The following PAPPA variants were observed in gnomAD, a reference collection of about 807,000 sequenced individuals.
PAPPA encodes pappalysin-1.
A neutral mutation model predicts 164.0 loss-of-function variants in PAPPA; 60 were observed. The ratio of observed to expected loss-of-function variants is 0.37; its 90% CI spans 0.30 to 0.45. The LOEUF (loss-of-function observed/expected upper bound fraction) is 0.45, where lower values mean the gene tolerates loss of function less well. Among genes scored for constraint, PAPPA ranks in the 20% least tolerant of loss-of-function variants. PAPPA has a pLI of 1.00. For synonymous variants in PAPPA, 875 were observed against 814.1 expected (o/e 1.07, Z -1.27); for missense variants, 1,782 against 2,087.3 (o/e 0.85, Z 2.85).
At chr9:116,281,478 A>G (rs538157576) in intron 9 of PAPPA, among the ~76,000 whole-genome samples, 80 of 152,196 alleles carry the variant, frequency 5.3e-4, no homozygotes, top group South Asian at 1.0e-3. Context: ...GCTCGAGCCA[A>G]TCATTGAGAC....
intron 1 of PAPPA, among the ~76,000 whole-genome samples, chr9:116,163,644 G>A (rs1843692669): frequency 6.6e-6 from 1 of 152,186 alleles, no homozygotes; most frequent in Admixed American, 6.5e-5. Flanking sequence ...AATAGTTCCA[G>A]TTTTCTTCCT....
chr9:116,348,442 T>G (rs1446472803), intron 15 of PAPPA, among the ~76,000 whole-genome samples: 3 of 152,094 alleles, frequency 2.0e-5, no homozygotes, highest in Non-Finnish European at 4.4e-5. Flanking sequence ...TTCTACCTTT[T>G]GTTTTTCCTT....
chr9:116,303,926 A>T (rs1268801897), intron 10 of PAPPA, among the ~76,000 whole-genome samples: 2 of 152,138 alleles, frequency 1.3e-5, no homozygotes, highest in African/African-American at 2.4e-5. Context: ...CTTTTTGTTT[A>T]TGTTTACATC....
intron 9 of PAPPA, among the ~76,000 whole-genome samples, chr9:116,274,268 C>T (rs937453472): frequency 6.6e-6 from 1 of 152,190 alleles, no homozygotes; most frequent in Non-Finnish European, 1.5e-5. Flanking sequence ...TACAGGAAAG[C>T]CTTCAGCTAC....
chr9:116,393,462 T>A, intron 21 of PAPPA, among the ~76,000 whole-genome samples: 1 of 152,158 alleles, frequency 6.6e-6, no homozygotes, highest in Non-Finnish European at 1.5e-5. Context: ...ATTGAATGCA[T>A]AAAGACTGAG....
At chr9:116,385,684 G>GTGTT (rs1311838318) in intron 21 of PAPPA, among the ~76,000 whole-genome samples, 1 of 152,194 alleles carries the variant, frequency 6.6e-6, no homozygotes, top group Non-Finnish European at 1.5e-5. Context: ...TAGGCTTTTT[G>GTGTT]TGTTAAGAAA....
intron 6 of PAPPA, among the ~76,000 whole-genome samples, chr9:116,231,719 A>T (rs1397005002): frequency 4.6e-5 from 5 of 107,814 alleles, no homozygotes; most frequent in African/African-American, 1.8e-4. Context: ...GGATGGATGG[A>T]TAGTGTCTGT....
At chr9:116,254,238 A>G (rs896009277) in intron 7 of PAPPA, among the ~76,000 whole-genome samples, 1 of 152,210 alleles carries the variant, frequency 6.6e-6, no homozygotes, top group African/African-American at 2.4e-5. Context: ...TAATGTGTTC[A>G]TCTTTGCATC....
intron 13 of PAPPA, among the ~76,000 whole-genome samples, chr9:116,338,212 T>C (rs186021316): frequency 8.8e-4 from 134 of 152,336 alleles, no homozygotes; most frequent in African/African-American, 3.0e-3. Flanking sequence ...CATTTATTCT[T>C]CTTTCCTTTC....
chr9:116,179,513 C>T (rs751007299), intron 1 of PAPPA, among the ~76,000 whole-genome samples: 1 of 152,202 alleles, frequency 6.6e-6, no homozygotes, highest in Admixed American at 6.5e-5. Flanking sequence ...GTATAATCCT[C>T]CAGTCCTGTA....
chr9:116,239,370 C>A (rs1043403454), intron 7 of PAPPA, among the ~76,000 whole-genome samples: 2 of 152,150 alleles, frequency 1.3e-5, no homozygotes, highest in Non-Finnish European at 2.9e-5. Flanking sequence ...CACCGCATCA[C>A]CTATTTGGAC....
chr9:116,366,520 ATCAG>A (rs1229894917), intron 18 of PAPPA, among the ~76,000 whole-genome samples: 1 of 152,164 alleles, frequency 6.6e-6, no homozygotes, highest in Non-Finnish European at 1.5e-5. Context: ...ATGCATATTC[ATCAG>A]TCAGTCATCA....
At chr9:116,357,928 A>C (rs961992585) in intron 17 of PAPPA, among the ~76,000 whole-genome samples, 2 of 152,232 alleles carry the variant, frequency 1.3e-5, no homozygotes, top group Non-Finnish European at 2.9e-5. Flanking sequence ...AGCTCATTGC[A>C]CAGATCACAG....
chr9:116,257,700 TC>T (rs1844947687), intron 7 of PAPPA, among the ~76,000 whole-genome samples: 1 of 151,808 alleles, frequency 6.6e-6, no homozygotes, highest in Non-Finnish European at 1.5e-5. Flanking sequence ...AGACTCCGTC[TC>T]AAAAAACAAA....
chr9:116,342,231 G>A (rs983504834), intron 13 of PAPPA, among the ~76,000 whole-genome samples: 2 of 152,126 alleles, frequency 1.3e-5, no homozygotes, highest in African/African-American at 4.8e-5. Context: ...CCTTCCCCTG[G>A]TGCTTACACA....
chr9:116,202,788 C>A (rs1322716667), intron 2 of PAPPA, among the ~76,000 whole-genome samples: 2 of 152,060 alleles, frequency 1.3e-5, no homozygotes, highest in Non-Finnish European at 2.9e-5. Flanking sequence ...ATCTGTCTTA[C>A]TCTTATTTTG....
At chr9:116,336,479 A>G (rs1001810574) in intron 13 of PAPPA, among the ~76,000 whole-genome samples, 18 of 152,156 alleles carry the variant, frequency 1.2e-4, no homozygotes, top group African/African-American at 4.3e-4. Context: ...AAAATAAGTT[A>G]ATTCTCAGAG....
At chr9:116,284,709 T>C (rs1205221865) in intron 9 of PAPPA, among the ~76,000 whole-genome samples, 1 of 152,140 alleles carries the variant, frequency 6.6e-6, no homozygotes. Context: ...GTGGCGCCAG[T>C]AGCCAACCAG....
Position 116,401,824 on chromosome 9 carries a change from A to G in PAPPA, c.*5208A>G, listed in dbSNP as rs1316380701. The G allele has an allele frequency of 2.0e-5, 3 of 150,362 alleles. No homozygotes were observed. Among genetic ancestry groups the G allele is most frequent in the Non-Finnish European group, 3.0e-5 (2 of 67,610 alleles). The allele number at this position is 150,362 out of a possible 1,614,324, so 9.3% of individuals were successfully genotyped here. ...ATTGAAGTGCTTAAAAGCTGTTCTCATAAGAATTCTTCTGGCCTATTGTAA... is the reference window on the plus strand; with the variant it reads ...ATTGAAGTGCTTAAAAGCTGTTCTCGTAAGAATTCTTCTGGCCTATTGTAA... On this transcript the variant is annotated 3_prime_UTR_variant, in exon 22 of 22. Transcript: ENST00000328252.
Sources: allele counts gnomAD v4.1 joint callset (sites outside exome capture counted in the v4.1 genomes callset), GRCh38; gene constraint gnomAD v4.1.1; transcripts MANE v1.5; gene names NCBI Gene and HGNC (gene_info 2026-07-23, HGNC 2026-07-21).